Variants in IQCM observed in about 807,000 individuals in gnomAD.
The protein encoded by IQCM is IQ domain-containing protein M.
IQCM carries 45 observed loss-of-function variants against 57.6 expected under a neutral mutation model. The ratio of observed to expected loss-of-function variants is 0.78; its 90% confidence interval spans 0.62 to 1.00. IQCM has a LOEUF of 1.00. Among genes scored for constraint, IQCM ranks in the 50% least tolerant of loss-of-function variants. The pLI, the probability that IQCM is intolerant of heterozygous loss-of-function variation, is 0.00. For missense variants in IQCM, 468 were observed against 511.6 expected, an observed-to-expected ratio of 0.91 and a Z score of 0.82; for synonymous variants, 148 against 158.9, an observed-to-expected ratio of 0.93 and a Z score of 0.51.
intron 2 of IQCM, among the ~76,000 whole-genome samples, chr4:149,794,226 T>C (rs1772905863): frequency 6.6e-6 from 1 of 152,152 alleles, no homozygotes. Context: ...AAGTACTGAC[T>C]ACTGAACAGC....
chr4:149,694,624 T>C (rs1763202174), intron 5 of IQCM, among the ~76,000 whole-genome samples: 1 of 152,124 alleles, frequency 6.6e-6, no homozygotes. Flanking sequence ...ACTGAACCAA[T>C]GTATTACTGG....
chr4:149,658,532 G>A (rs998963750), intron 7 of IQCM, among the ~76,000 whole-genome samples: 4 of 151,962 alleles, frequency 2.6e-5, no homozygotes, highest in African/African-American at 9.7e-5. Flanking sequence ...TTCTATTTAT[G>A]TGAAGAATAT....
chr4:149,519,787 G>A (rs919472964), intron 12 of IQCM, among the ~76,000 whole-genome samples: 3 of 151,944 alleles, frequency 2.0e-5, no homozygotes, highest in East Asian at 1.9e-4. Context: ...AGTGGATCAC[G>A]AGGTCAGGAG....
intron 2 of IQCM, among the ~76,000 whole-genome samples, chr4:149,812,340 G>A (rs1456045487): frequency 2.6e-5 from 4 of 152,044 alleles, no homozygotes; most frequent in African/African-American, 9.7e-5. Context: ...GGATGGGAAT[G>A]AGCACCAGAA....
At chr4:149,780,167 C>T in intron 2 of IQCM, 1 of 151,940 alleles carries the variant, frequency 6.6e-6, no homozygotes, top group Non-Finnish European at 1.5e-5. Flanking sequence ...GAAGACAGTC[C>T]CTACAAGTGA....
chr4:149,451,886 A>G (rs1737159645), intron 12 of IQCM, among the ~76,000 whole-genome samples: 1 of 151,742 alleles, frequency 6.6e-6, no homozygotes, highest in Non-Finnish European at 1.5e-5. Context: ...GGCCAGAAAA[A>G]GTGATGACAG....
At chr4:149,620,575 T>G (rs1756242963) in intron 8 of IQCM, among the ~76,000 whole-genome samples, 1 of 152,220 alleles carries the variant, frequency 6.6e-6, no homozygotes, top group Non-Finnish European at 1.5e-5. Flanking sequence ...CTGAATAACA[T>G]GAGTTTCTTC....
At chr4:149,455,828 A>C (rs1737638845) in intron 12 of IQCM, among the ~76,000 whole-genome samples, 1 of 151,458 alleles carries the variant, frequency 6.6e-6, no homozygotes, top group African/African-American at 2.4e-5. Flanking sequence ...TTTTTTAATT[A>C]GCCAGGTGTG....
chr4:149,729,890 C>T (rs892898270), intron 5 of IQCM, among the ~76,000 whole-genome samples: 19 of 152,090 alleles, frequency 1.2e-4, no homozygotes, highest in Non-Finnish European at 2.9e-5. Flanking sequence ...ACCCTAAGTA[C>T]CTAGTATCTC....
chr4:149,666,742 G>C (rs1222461675), intron 7 of IQCM, among the ~76,000 whole-genome samples: 1 of 152,082 alleles, frequency 6.6e-6, no homozygotes, highest in Non-Finnish European at 1.5e-5. Context: ...CTTGGTGGGG[G>C]GAGGGGTGTC....
Position 149,385,839 on chromosome 4 carries a change from T to C in IQCM, c.1391-33773A>G, listed in dbSNP as rs535384414. Among the ~76,000 whole-genome samples the C allele has an allele frequency of 2.0e-5, 3 of 152,230 alleles. No homozygotes were observed. The South Asian group carries it at 6.2e-4, about 32-fold the overall frequency. ...ATTCAAATTATGATCATCAACCACA[T>C]TTACTATTACATTACTTCAGTAATT... On this transcript the variant is annotated intron_variant, in intron 13 of 13. Coordinates refer to ENST00000636793, the MANE Select transcript of IQCM (RefSeq NM_001363507.2).
chr4:149,600,822 C>T (rs1161997002), intron 8 of IQCM, among the ~76,000 whole-genome samples: 2 of 152,178 alleles, frequency 1.3e-5, no homozygotes, highest in African/African-American at 2.4e-5. Flanking sequence ...TTTGTTGAAA[C>T]TGTCCAGATT....
chr4:149,599,607 A>T (rs1052642180), intron 8 of IQCM, among the ~76,000 whole-genome samples: 1 of 152,112 alleles, frequency 6.6e-6, no homozygotes, highest in Non-Finnish European at 1.5e-5. Context: ...CAATAGAAAA[A>T]TTTTAATAAA....
intron 9 of IQCM, among the ~76,000 whole-genome samples, chr4:149,567,140 C>A (rs1401540989): frequency 2.0e-5 from 3 of 151,948 alleles, no homozygotes; most frequent in African/African-American, 4.8e-5. Context: ...CATAAGTATT[C>A]CTTTTATTGT....
At chr4:149,650,681 C>T (rs1383088573) in intron 7 of IQCM, among the ~76,000 whole-genome samples, 1 of 152,114 alleles carries the variant, frequency 6.6e-6, no homozygotes, top group Non-Finnish European at 1.5e-5. Flanking sequence ...TGAACAACCG[C>T]TTCCAGCCTA....
chr4:149,435,067 C>A (rs1456865274), intron 12 of IQCM, among the ~76,000 whole-genome samples: 1 of 152,142 alleles, frequency 6.6e-6, no homozygotes, highest in Non-Finnish European at 1.5e-5. Context: ...TCCTCAGGTG[C>A]TCTGCCTCAG....
At chr4:149,469,594 C>A (rs1193496603) in intron 12 of IQCM, among the ~76,000 whole-genome samples, 2 of 152,114 alleles carry the variant, frequency 1.3e-5, no homozygotes, top group Admixed American at 6.5e-5. Flanking sequence ...TGAGGCAGGC[C>A]AACATTCAAT....
chr4:149,802,707 C>T lies in IQCM; in HGVS notation c.-49+12604G>A, dbSNP rs149042074. ...TGACAAATGTATTTGAGAAATGCTT[C>T]ATATTAATTCCCCTTCTCTAAAATA... On this transcript the variant is annotated intron_variant, in intron 2 of 13. Transcript: ENST00000636793. Among the ~76,000 whole-genome samples, 92 of 152,090 alleles carry T rather than the reference C, an allele frequency of 6.0e-4. 1 individual carries two copies. In the East Asian group the frequency reaches 0.016, roughly 27 times the overall value.
intron 12 of IQCM, among the ~76,000 whole-genome samples, chr4:149,442,768 A>G (rs1017754714): frequency 6.6e-6 from 1 of 151,902 alleles, no homozygotes; most frequent in Non-Finnish European, 1.5e-5. Flanking sequence ...TGACATCCAT[A>G]ATTCTACTAA....
Sources: gnomAD v4.1 joint callset for allele counts (sites outside exome capture counted in the v4.1 genomes callset) on GRCh38, gnomAD v4.1.1 for gene constraint, MANE v1.5 for transcripts, NCBI Gene and HGNC (gene_info 2026-07-23, HGNC 2026-07-21) for gene names.